OSBP2: variants seen among roughly 807,000 people sequenced by gnomAD.
The protein encoded by OSBP2 is oxysterol binding protein 2, also known as oxysterol-binding protein 2.
Under a neutral mutation model 96.0 loss-of-function variants are expected in OSBP2, and 66 were observed. The ratio of observed to expected loss-of-function variants is 0.69; its 90% CI spans 0.56 to 0.84. The LOEUF is 0.84. Among genes scored for constraint, OSBP2 ranks in the 40% least tolerant of loss-of-function variants. OSBP2 has a pLI of 0.00. For missense variants in OSBP2, 1,038 were observed against 1,222.7 expected, an observed-to-expected ratio of 0.85 and a Z score of 2.25; for synonymous variants, 525 against 520.9, an observed-to-expected ratio of 1.01 and a Z score of -0.11.
chr22:30,854,306 C>CTT (rs10618386), intron 2 of OSBP2, among the ~76,000 whole-genome samples: 1 of 103,014 alleles, frequency 9.7e-6, no homozygotes, highest in Admixed American at 1.0e-4. Context: ...ATACAGTTAT[C>CTT]TTTTTTTTTT....
chr22:30,856,373 C>CTTTTTT lies in OSBP2; in HGVS notation c.854-14031_854-14026dup, dbSNP rs56875088. Among the ~76,000 whole-genome samples the CTTTTTT allele has an allele frequency of 3.5e-4, 36 of 101,422 alleles. 1 individual carries two copies. The highest frequency in any genetic ancestry group is 1.8e-3 in the East Asian group (6 of 3,410). 66.5% of individuals were successfully genotyped at this position (101,422 alleles called of 152,430 possible). A position where few individuals can be genotyped will look rare whatever the true frequency, so the allele number is the denominator to read the frequency against. On this transcript the variant is annotated intron_variant, in intron 2 of 13. Transcript: ENST00000332585. ...CTTGGCAGTTGGAAACAGAGCCCTT[C>CTTTTTT]TTTTTTTTTTTTTTTTTTTTTTTTT...
chr22:30,804,396 T>C (rs1375507426), intron 2 of OSBP2, among the ~76,000 whole-genome samples: 1 of 152,244 alleles, frequency 6.6e-6, no homozygotes, highest in African/African-American at 2.4e-5. Context: ...GCTTAAGCTG[T>C]GCGCATCAGA....
chr22:30,865,872 G>A (rs5997795), intron 2 of OSBP2, among the ~76,000 whole-genome samples: 60,944 of 151,838 alleles, frequency 0.4, 12,687 homozygotes, highest in African/African-American at 0.5. Context: ...CAGAACTGCC[G>A]CCTCCCCACC....
intron 2 of OSBP2, among the ~76,000 whole-genome samples, chr22:30,747,100 C>T (rs1426293011): frequency 2.6e-5 from 4 of 152,124 alleles, no homozygotes; most frequent in East Asian, 1.9e-4. Flanking sequence ...TACAGAAAAA[C>T]GATCTGACAA....
At chr22:30,849,018 G>C (rs2038925490) in intron 2 of OSBP2, among the ~76,000 whole-genome samples, 1 of 152,096 alleles carries the variant, frequency 6.6e-6, no homozygotes, top group Non-Finnish European at 1.5e-5. Flanking sequence ...TGTAATCCTA[G>C]CACTTTGGGA....
rs1156950666 is a variant in OSBP2 at position 30,767,138 on chromosome 22, CAAAAAAAA to C, written c.853+25784_853+25791del. Among the ~76,000 whole-genome samples the C allele has an allele frequency of 6.3e-3, 494 of 78,460 alleles. 1 individual carries two copies. Among genetic ancestry groups the C allele is most frequent in the Non-Finnish European group, 8.6e-3 (345 of 40,214 alleles). The allele number at this position is 78,460 out of a possible 152,430, so 51.5% of individuals were successfully genotyped here. A position where few individuals can be genotyped will look rare whatever the true frequency, so the allele number is the denominator to read the frequency against. ...TGAAATCCCATCTCTACTAAAAATACAAAAAAAAAAAAAAAAAAAAAATTAGCCGGGCG... is the reference window on the plus strand; with the variant it reads ...TGAAATCCCATCTCTACTAAAAATACAAAAAAAAAAAAAATTAGCCGGGCG... On this transcript the variant is annotated intron_variant, in intron 2 of 13. Transcript: ENST00000332585.
At chr22:30,787,837 A>G (rs1478180912) in intron 2 of OSBP2, among the ~76,000 whole-genome samples, 2 of 152,134 alleles carry the variant, frequency 1.3e-5, no homozygotes, top group Admixed American at 1.3e-4. Context: ...TCGAGTATCA[A>G]AAGAACCTTG....
chr22:30,858,899 A>ATAAT (rs1222246767), intron 2 of OSBP2, among the ~76,000 whole-genome samples: 27 of 150,118 alleles, frequency 1.8e-4, no homozygotes, highest in Non-Finnish European at 3.0e-4. Flanking sequence ...AATAATAATA[A>ATAAT]TAATAATAAT....
intron 2 of OSBP2, among the ~76,000 whole-genome samples, chr22:30,839,607 G>C (rs1335710177): frequency 6.6e-6 from 1 of 151,992 alleles, no homozygotes; most frequent in African/African-American, 2.4e-5. Context: ...CAGTGATGAT[G>C]AGCATTTTTT....
chr22:30,891,730 G>A (rs997178635), intron 8 of OSBP2, among the ~76,000 whole-genome samples: 4 of 152,122 alleles, frequency 2.6e-5, no homozygotes, highest in African/African-American at 4.8e-5. Flanking sequence ...ATACGGGGGT[G>A]GGGGGCAGTC....
intron 2 of OSBP2, among the ~76,000 whole-genome samples, chr22:30,785,287 G>A (rs2090570589): frequency 6.6e-6 from 1 of 152,038 alleles, no homozygotes; most frequent in Admixed American, 6.5e-5. Flanking sequence ...TAATCTTTCC[G>A]GCCCGGCACA....
At chr22:30,733,979 A>C (rs539923228) in intron 1 of OSBP2, among the ~76,000 whole-genome samples, 2 of 152,072 alleles carry the variant, frequency 1.3e-5, no homozygotes, top group South Asian at 4.2e-4. Flanking sequence ...AAAATACATT[A>C]TCATTTTTTT....
intron 2 of OSBP2, among the ~76,000 whole-genome samples, chr22:30,754,646 C>A (rs2090119202): frequency 6.6e-6 from 1 of 152,188 alleles, no homozygotes; most frequent in South Asian, 2.1e-4. Context: ...CTTTGTGTCA[C>A]CCCCGAGGGC....
intron 2 of OSBP2, among the ~76,000 whole-genome samples, chr22:30,784,385 C>T (rs1052366144): frequency 1.3e-5 from 2 of 151,812 alleles, no homozygotes; most frequent in East Asian, 3.9e-4. Context: ...TCCTGAGTAG[C>T]TGGGACTACA....
intron 2 of OSBP2, among the ~76,000 whole-genome samples, chr22:30,775,212 G>T (rs1446137334): frequency 1.3e-5 from 2 of 152,192 alleles, no homozygotes; most frequent in East Asian, 3.9e-4. Flanking sequence ...CTCTCTCTCA[G>T]CCTGTGGCAA....
chr22:30,784,925 A>G (rs1436896235), intron 2 of OSBP2, among the ~76,000 whole-genome samples: 1 of 152,044 alleles, frequency 6.6e-6, no homozygotes, highest in East Asian at 1.9e-4. Flanking sequence ...GGCATGCACC[A>G]CCATGTCTGG....
intron 1 of OSBP2, among the ~76,000 whole-genome samples, chr22:30,701,204 T>C (rs984698655): frequency 6.6e-6 from 1 of 152,162 alleles, no homozygotes; most frequent in Non-Finnish European, 1.5e-5. Flanking sequence ...ACCAAGACAT[T>C]GTTGCCTCTG....
chr22:30,822,469 TG>T, intron 2 of OSBP2: 1 of 1,287,998 alleles, frequency 7.8e-7, no homozygotes, highest in Non-Finnish European at 9.9e-7. Context: ...ATGTACCGGG[TG>T]GCGGGCGGCA....
At position 30,904,595 on chromosome 22, in the gene OSBP2, A is replaced by AATATATATAT. The variant is rs531519651; in HGVS notation, c.2376-1234_2376-1225dup. Among the ~76,000 whole-genome samples the AATATATATAT allele has an allele frequency of 1.6e-3, 245 of 149,916 alleles. 1 individual carries two copies. Among genetic ancestry groups the AATATATATAT allele is most frequent in the African/African-American group, 5.8e-3 (238 of 40,956 alleles). Reference sequence around the variant, plus strand: ...ACAAAAGAAATGCTTACATAATTAAAATATATATATATATATACACACATT... The same window carrying AATATATATAT: ...ACAAAAGAAATGCTTACATAATTAAAATATATATATATATATATATATATATACACACATT... On this transcript the variant is annotated intron_variant, in intron 12 of 13. Coordinates refer to ENST00000332585, the MANE Select transcript of OSBP2 (RefSeq NM_030758.4).
Sources: gnomAD v4.1 joint callset for allele counts (sites outside exome capture counted in the v4.1 genomes callset) on GRCh38, gnomAD v4.1.1 for gene constraint, MANE v1.5 for transcripts, NCBI Gene and HGNC (gene_info 2026-07-23, HGNC 2026-07-21) for gene names.